GLDN: variants seen among roughly 807,000 people sequenced by gnomAD.
GLDN encodes gliomedin, also known as collomin.
Under a neutral mutation model 56.5 loss-of-function variants are expected in GLDN, and 47 were observed. That is an observed-to-expected ratio of 0.83 (90% CI 0.66 to 1.06). The LOEUF is 1.06. Ranked by LOEUF, GLDN falls within the 50% of genes least tolerant of loss-of-function variation. The pLI is 0.00. For synonymous variants in GLDN, 332 were observed against 278.8 expected, an observed-to-expected ratio of 1.19 and a Z score of -1.90; for missense variants, 782 against 714.3, an observed-to-expected ratio of 1.09 and a Z score of -1.08.
At chr15:51,393,969 A>G (rs560488186) in intron 4 of GLDN, among the ~76,000 whole-genome samples, 2 of 152,286 alleles carry the variant, frequency 1.3e-5, no homozygotes, top group South Asian at 4.1e-4. Flanking sequence ...ATTGTGATTG[A>G]AAGTATTTTG....
Position 51,404,465 on chromosome 15 carries a change from C to T in GLDN, c.1367C>T (p.Thr456Ile). The T allele has an allele frequency of 6.2e-7, 1 of 1,614,134 alleles. No individual in the cohort carries two copies. The highest frequency in any genetic ancestry group is 1.3e-5 in the African/African-American group (1 of 75,024). Residue 456 changes from threonine (T) to isoleucine (I), a missense_variant, in exon 10 of 10, where the codon ACA becomes ATA. Physicochemically the swap from Thr to Ile is moderately conservative, Grantham distance 89. Coordinates refer to ENST00000335449, the MANE Select transcript of GLDN (RefSeq NM_181789.4). ...CTTGTAGCACAACTGGATGAGAGGACATTCTCAGTGGTGCAACACGTCAAT... is the reference window on the plus strand; with the variant it reads ...CTTGTAGCACAACTGGATGAGAGGATATTCTCAGTGGTGCAACACGTCAAT... ...SILVAQLDER[T>I]FSVVQHVNTT...
At chr15:51,367,094 C>G (rs80186436) in intron 1 of GLDN, among the ~76,000 whole-genome samples, 96 of 152,244 alleles carry the variant, frequency 6.3e-4, no homozygotes, top group East Asian at 2.5e-3. Context: ...GGAACCTGTC[C>G]AGGATCTTGC....
In GLDN at chr15:51,358,852, C is replaced by A. The variant is rs574863699; in HGVS notation, c.363+16805C>A. Among the ~76,000 whole-genome samples, 4 of 152,290 alleles carry A rather than the reference C, an allele frequency of 2.6e-5. No homozygotes were observed. The South Asian group carries it at 8.3e-4, about 32-fold the overall frequency. On this transcript the variant is annotated intron_variant, in intron 1 of 9. Coordinates refer to ENST00000335449, the MANE Select transcript of GLDN (RefSeq NM_181789.4). ...TCTTCCCGGAGGAGAGACATGGCCA[C>A]CCGAGGGAAGTAACTATAATACCGT... is the stretch of plus-strand genomic sequence containing the variant.
At chr15:51,375,833 G>A (rs1410103226) in intron 1 of GLDN, among the ~76,000 whole-genome samples, 1 of 152,154 alleles carries the variant, frequency 6.6e-6, no homozygotes, top group Non-Finnish European at 1.5e-5. Flanking sequence ...TACTTCATCT[G>A]TGTTCACCCA....
At chr15:51,347,631 G>A (rs559458128) in intron 1 of GLDN, among the ~76,000 whole-genome samples, 13 of 152,276 alleles carry the variant, frequency 8.5e-5, no homozygotes, top group South Asian at 6.2e-4. Context: ...TTCGGAGTGC[G>A]GAATGATGGA....
At chr15:51,349,801 G>A (rs886719237) in intron 1 of GLDN, among the ~76,000 whole-genome samples, 1 of 151,224 alleles carries the variant, frequency 6.6e-6, no homozygotes, top group Non-Finnish European at 1.5e-5. Context: ...GTGCAGTGCT[G>A]TGATTTTGGC....
At chr15:51,383,759 G>A (rs1211120927) in intron 3 of GLDN, 26 bp from the exon 4 acceptor site, 2 of 1,328,816 alleles carry the variant, frequency 1.5e-6, no homozygotes, top group Non-Finnish European at 2.1e-6. Flanking sequence ...TTTGGTTAAT[G>A]TCCCTGTTTC....
At chr15:51,375,549 G>A (rs899600213) in intron 1 of GLDN, among the ~76,000 whole-genome samples, 20 of 152,178 alleles carry the variant, frequency 1.3e-4, no homozygotes, top group African/African-American at 2.4e-4. Context: ...TCTGAAGCTC[G>A]CTGGAGCAGT....
At chr15:51,360,430 G>A (rs980879946) in intron 1 of GLDN, 3 of 152,418 alleles carry the variant, frequency 2.0e-5, no homozygotes, top group African/African-American at 7.2e-5. Flanking sequence ...GCCCCCGAGG[G>A]CGAAGGTTCA....
rs2037256148 is a variant in GLDN at position 51,359,829 on chromosome 15, ATT to A, written c.364-17619_364-17618del. 2.0e-5 allele frequency among the ~76,000 whole-genome samples: 3 copies of A among 152,116 alleles called. No homozygotes were observed. In the South Asian group the frequency reaches 6.2e-4, roughly 32 times the overall value. On this transcript the variant is annotated intron_variant, in intron 1 of 9. Coordinates refer to ENST00000335449, the MANE Select transcript of GLDN (RefSeq NM_181789.4). ...ATCTCTACTAAAAATGCAAAAAAAA[ATT>A]AGCCAGGCATGGTGGCAGGCACCTG... is the stretch of plus-strand genomic sequence containing the variant.
chr15:51,363,914 T>C (rs1031682839), intron 1 of GLDN, among the ~76,000 whole-genome samples: 1 of 152,260 alleles, frequency 6.6e-6, no homozygotes, highest in African/African-American at 2.4e-5. Context: ...AAAATGTTAC[T>C]CTACTATCTT....
At chr15:51,381,811 C>G (rs2037768364) in intron 2 of GLDN, among the ~76,000 whole-genome samples, 1 of 151,416 alleles carries the variant, frequency 6.6e-6, no homozygotes, top group African/African-American at 2.4e-5. Flanking sequence ...GTCTCTCTTC[C>G]TGTCTCTGTG....
chr15:51,347,580 T>G (rs2037000627), intron 1 of GLDN, among the ~76,000 whole-genome samples: 1 of 152,194 alleles, frequency 6.6e-6, no homozygotes, highest in African/African-American at 2.4e-5. Context: ...CACACTGTAT[T>G]AGGGAAGCTG....
At chr15:51,344,203 C>T (rs1014380171) in intron 1 of GLDN, among the ~76,000 whole-genome samples, 3 of 152,148 alleles carry the variant, frequency 2.0e-5, no homozygotes, top group Admixed American at 2.0e-4. Flanking sequence ...TGAATCCCAT[C>T]CCCAGAGATT....
chr15:51,365,104 A>C (rs1298946561), intron 1 of GLDN, among the ~76,000 whole-genome samples: 4 of 152,254 alleles, frequency 2.6e-5, no homozygotes, highest in African/African-American at 9.6e-5. Flanking sequence ...AGCTGGGAAA[A>C]GTATTAGAGT....
intron 1 of GLDN, among the ~76,000 whole-genome samples, chr15:51,357,419 T>G (rs969656360): frequency 2.6e-5 from 4 of 152,202 alleles, no homozygotes; most frequent in Non-Finnish European, 4.4e-5. Flanking sequence ...ACTGGACCCC[T>G]TTCACTTGCT....
Position 51,404,371 on chromosome 15 carries a change from T to C in GLDN, c.1273T>C (p.Phe425Leu). ...KYLFANSKTY[F>L]NLAVDEKGLW... ...CCTTTTTGCAAATTCCAAAACTTACTTCAATCTAGCTGTAGATGAAAAGGG... is the reference window on the plus strand; with the variant it reads ...CCTTTTTGCAAATTCCAAAACTTACCTCAATCTAGCTGTAGATGAAAAGGG... The change falls in exon 10 of 10, where the codon TTC becomes CTC. Residue 425 changes from phenylalanine to leucine, a missense_variant. Transcript: ENST00000335449. The C allele has an allele frequency of 1.9e-6, 3 of 1,614,142 alleles. No individual in the cohort carries two copies. Among genetic ancestry groups the C allele is most frequent in the Non-Finnish European group, 8.5e-7 (1 of 1,180,030 alleles).
chr15:51,399,461 C>G (rs2038203447), intron 6 of GLDN, among the ~76,000 whole-genome samples: 1 of 152,172 alleles, frequency 6.6e-6, no homozygotes, highest in Admixed American at 6.5e-5. Flanking sequence ...CCTAAGGCAC[C>G]TCTTCACCAA....
chr15:51,347,275 T>C (rs1278138049), intron 1 of GLDN, among the ~76,000 whole-genome samples: 1 of 152,194 alleles, frequency 6.6e-6, no homozygotes, highest in Non-Finnish European at 1.5e-5. Context: ...GATCTCTTCA[T>C]TTAAAAATGT....
Sources: gnomAD v4.1 joint callset for allele counts (sites outside exome capture counted in the v4.1 genomes callset) on GRCh38, gnomAD v4.1.1 for gene constraint, MANE v1.5 for transcripts, NCBI Gene and HGNC (gene_info 2026-07-23, HGNC 2026-07-21) for gene names.